The following TGFB2 variants were observed in gnomAD, a reference collection of about 807,000 sequenced individuals.
TGFB2 encodes transforming growth factor beta-2 proprotein.
A neutral mutation model predicts 42.7 loss-of-function variants in TGFB2; 13 were observed. The observed-to-expected ratio is 0.30, with a 90% CI of 0.20 to 0.48. The LOEUF is 0.48. Among genes scored for constraint, TGFB2 ranks in the 20% least tolerant of loss-of-function variants. The probability of loss-of-function intolerance (pLI) is 0.99; values close to 1 mark genes in which losing one functional copy is unlikely to be tolerated. For missense variants in TGFB2, 390 were observed against 517.5 expected (o/e 0.75, Z 2.39); for synonymous variants, 193 against 193.6 (o/e 1.00, Z 0.03).
chr1:218,372,217 G>A (rs187980371), intron 1 of TGFB2, among the ~76,000 whole-genome samples: 142 of 152,312 alleles, frequency 9.3e-4, no homozygotes, highest in Admixed American at 3.2e-3. Flanking sequence ...TTTCTGAATT[G>A]CCCTGTTGTG....
chr1:218,347,522 T>C (rs1656728878), intron 1 of TGFB2, among the ~76,000 whole-genome samples: 1 of 152,216 alleles, frequency 6.6e-6, no homozygotes, highest in African/African-American at 2.4e-5. Context: ...CTTTCCGTGC[T>C]GACCTATCAG....
intron 1 of TGFB2, among the ~76,000 whole-genome samples, chr1:218,347,893 C>T (rs1220726446): frequency 6.6e-6 from 1 of 151,014 alleles, no homozygotes; most frequent in Non-Finnish European, 1.5e-5. Flanking sequence ...CCTGCAGTTA[C>T]TTCAATGCAT....
rs1319724872 is a variant in TGFB2 at position 218,393,665 on chromosome 1, G to A, written c.347-11504G>A. Among the ~76,000 whole-genome samples, 3 of 152,084 alleles carry A rather than the reference G, an allele frequency of 2.0e-5. No individual in the cohort carries two copies. In the South Asian group the frequency reaches 6.2e-4, roughly 32 times the overall value. On this transcript the variant is annotated intron_variant, in intron 1 of 6. Coordinates refer to ENST00000366930, the MANE Select transcript of TGFB2 (RefSeq NM_003238.6). ...AGGAGAGAAAGAAAATGGAGCAAAGGAAGTAGAAAAGATAGGAAGGGAGAG... is the reference window on the plus strand; with the variant it reads ...AGGAGAGAAAGAAAATGGAGCAAAGAAAGTAGAAAAGATAGGAAGGGAGAG...
At chr1:218,409,828 T>C (rs1331185082) in intron 2 of TGFB2, among the ~76,000 whole-genome samples, 3 of 152,222 alleles carry the variant, frequency 2.0e-5, no homozygotes, top group Non-Finnish European at 4.4e-5. Flanking sequence ...ACAGGGTGAC[T>C]ATGAAAAGGT....
In TGFB2 at chr1:218,441,415, T is replaced by C. The variant is rs1444216858; in HGVS notation, c.*53T>C. 1 of 1,542,616 alleles carries C rather than the reference T, an allele frequency of 6.5e-7. No individual in the cohort carries two copies. The highest frequency in any genetic ancestry group is 8.7e-7 in the Non-Finnish European group (1 of 1,143,684). ...ATGACAATGATGATGATAATGATGA[T>C]GACGACGACAACGATGATGCTTGTA... On this transcript the variant is annotated 3_prime_UTR_variant, in exon 7 of 7. Transcript: ENST00000366930.
chr1:218,436,639 C>T (rs542933888), intron 5 of TGFB2, among the ~76,000 whole-genome samples: 1 of 152,298 alleles, frequency 6.6e-6, no homozygotes, highest in Non-Finnish European at 1.5e-5. Context: ...GAATTTATTT[C>T]CCATTCCCAC....
intron 2 of TGFB2, among the ~76,000 whole-genome samples, chr1:218,422,083 A>C (rs571440690): frequency 2.0e-5 from 3 of 152,170 alleles, no homozygotes; most frequent in Non-Finnish European, 4.4e-5. Context: ...TAGGTTACCC[A>C]TACACCTATC....
At chr1:218,394,118 C>G (rs1658413063) in intron 1 of TGFB2, among the ~76,000 whole-genome samples, 1 of 152,104 alleles carries the variant, frequency 6.6e-6, no homozygotes, top group African/African-American at 2.4e-5. Context: ...ACTGCGTTAG[C>G]CAGGATGGTC....
At chr1:218,418,804 A>AT (rs1433337041) in intron 2 of TGFB2, among the ~76,000 whole-genome samples, 1 of 152,124 alleles carries the variant, frequency 6.6e-6, no homozygotes, top group East Asian at 1.9e-4. Flanking sequence ...AAAAAGAGGC[A>AT]TTCTGCTACA....
intron 1 of TGFB2, among the ~76,000 whole-genome samples, chr1:218,371,608 CAG>C (rs1284110582): frequency 1.3e-5 from 2 of 152,174 alleles, no homozygotes; most frequent in African/African-American, 4.8e-5. Flanking sequence ...GTATGTCCGG[CAG>C]ACTCTGAAAC....
intron 2 of TGFB2, among the ~76,000 whole-genome samples, chr1:218,408,482 GGAA>G (rs1245015781): frequency 1.1e-4 from 16 of 152,256 alleles, no homozygotes; most frequent in East Asian, 3.9e-4. Context: ...ACGGGCATCT[GGAA>G]GAAGAAGATT....
At chr1:218,377,471 A>T (rs1217062361) in intron 1 of TGFB2, among the ~76,000 whole-genome samples, 1 of 152,202 alleles carries the variant, frequency 6.6e-6, no homozygotes, top group Non-Finnish European at 1.5e-5. Context: ...ATACAACTGC[A>T]ATCAATAAAA....
chr1:218,397,971 C>G (rs1056746602), intron 1 of TGFB2, among the ~76,000 whole-genome samples: 1 of 152,224 alleles, frequency 6.6e-6, no homozygotes, highest in African/African-American at 2.4e-5. Context: ...GGAAAATCCC[C>G]CACGAGGACA....
chr1:218,361,105 G>A (rs570523469), intron 1 of TGFB2, among the ~76,000 whole-genome samples: 9 of 152,246 alleles, frequency 5.9e-5, no homozygotes, highest in South Asian at 2.1e-4. Context: ...TGCCTGCCTC[G>A]GCCTCCCAAA....
rs1023662171 is a variant in TGFB2 at position 218,346,442 on chromosome 1, T to A, written c.-260T>A. ...GCTCCAAGAATTTTTTTCTTCTTAC[T>A]CGCCAAAGTCAGGGTTCCCTCTGCC... On this transcript the variant is annotated 5_prime_UTR_variant, in exon 1 of 7. Coordinates refer to ENST00000366930, the MANE Select transcript of TGFB2 (RefSeq NM_003238.6). The surrounding 1 kb of genome is among the most constrained non-coding windows in gnomAD (Gnocchi z 4.9). The A allele has an allele frequency of 2.6e-6, 1 of 383,898 alleles. No individual in the cohort carries two copies. The highest frequency in any genetic ancestry group is 4.6e-6 in the Non-Finnish European group (1 of 218,934). 23.8% of individuals were successfully genotyped at this position (383,898 alleles called of 1,614,324 possible). A position where few individuals can be genotyped will look rare whatever the true frequency, so the allele number is the denominator to read the frequency against.
At chr1:218,368,832 G>A (rs1657475344) in intron 1 of TGFB2, among the ~76,000 whole-genome samples, 2 of 152,174 alleles carry the variant, frequency 1.3e-5, no homozygotes, top group Non-Finnish European at 2.9e-5. Flanking sequence ...AGTATCCTAG[G>A]GATGAGATTA....
chr1:218,383,146 T>C (rs1352609003), intron 1 of TGFB2, among the ~76,000 whole-genome samples: 2 of 152,208 alleles, frequency 1.3e-5, no homozygotes, highest in African/African-American at 2.4e-5. Flanking sequence ...AAGAAACCTA[T>C]GTGATGGAGT....
At chr1:218,411,456 G>A (rs1306105419) in intron 2 of TGFB2, among the ~76,000 whole-genome samples, 1 of 152,084 alleles carries the variant, frequency 6.6e-6, no homozygotes, top group Non-Finnish European at 1.5e-5. Flanking sequence ...GCTCAGCTGG[G>A]CTCCTCCCCC....
At chr1:218,366,870 C>T (rs568636870) in intron 1 of TGFB2, among the ~76,000 whole-genome samples, 13 of 152,244 alleles carry the variant, frequency 8.5e-5, no homozygotes, top group Non-Finnish European at 1.6e-4. Flanking sequence ...AGTGGACTCT[C>T]TGTTTGATCA....
Sources: gnomAD v4.1 joint callset for allele counts (sites outside exome capture counted in the v4.1 genomes callset) on GRCh38, gnomAD v4.1.1 for gene constraint, Gnocchi (gnomAD v3.1) non-coding constraint, MANE v1.5 for transcripts, NCBI Gene and HGNC (gene_info 2026-07-23, HGNC 2026-07-21) for gene names.